SORCS2: variants seen among roughly 807,000 people sequenced by gnomAD.
SORCS2 encodes sortilin related VPS10 domain containing receptor 2.
In SORCS2, 100 loss-of-function variants were observed where a neutral mutation model predicts 141.6. That is an observed-to-expected ratio of 0.71 (90% CI 0.60 to 0.83). The LOEUF (loss-of-function observed/expected upper bound fraction) is 0.83. Ranked by LOEUF, SORCS2 falls within the 40% of genes least tolerant of loss-of-function variation. The pLI is 0.00. For synonymous variants in SORCS2, 789 were observed against 676.9 expected, an observed-to-expected ratio of 1.17 and a Z score of -2.57; for missense variants, 1,646 against 1,560.2, an observed-to-expected ratio of 1.05 and a Z score of -0.93.
intron 8 of SORCS2, among the ~76,000 whole-genome samples, chr4:7,670,399 A>G (rs1000464041): frequency 2.0e-5 from 3 of 152,258 alleles, no homozygotes; most frequent in Non-Finnish European, 4.4e-5. Flanking sequence ...AAATCCAAAT[A>G]ACTATCAATT....
chr4:7,408,225 T>C (rs910268694), intron 2 of SORCS2, among the ~76,000 whole-genome samples: 2 of 152,158 alleles, frequency 1.3e-5, no homozygotes, highest in Admixed American at 1.3e-4. Context: ...GCTAGCGTTT[T>C]AATTTTTTTT....
At chr4:7,228,233 G>A (rs1030877972) in intron 1 of SORCS2, among the ~76,000 whole-genome samples, 1 of 152,214 alleles carries the variant, frequency 6.6e-6, no homozygotes, top group Admixed American at 6.5e-5. Context: ...TCCTCTTCCT[G>A]TGAAGATACC....
intron 2 of SORCS2, among the ~76,000 whole-genome samples, chr4:7,527,189 C>T (rs547839028): frequency 6.6e-6 from 1 of 152,346 alleles, no homozygotes; most frequent in African/African-American, 2.4e-5. Flanking sequence ...CTACACATAC[C>T]TCGGACCCGG....
At chr4:7,332,656 T>C (rs1032440273) in intron 1 of SORCS2, among the ~76,000 whole-genome samples, 9 of 152,234 alleles carry the variant, frequency 5.9e-5, no homozygotes, top group African/African-American at 2.2e-4. Flanking sequence ...CTGGGCCACC[T>C]GTCTAGAGGC....
rs56145590 is a variant in SORCS2, at chr4:7,639,939, G to C, written c.813+1447G>C. Among the ~76,000 whole-genome samples, 21 of 150,824 alleles carry C rather than the reference G, an allele frequency of 1.4e-4. 1 individual carries two copies. The highest frequency in any genetic ancestry group is 4.7e-4 in the African/African-American group (19 of 40,698). On this transcript the variant is annotated intron_variant, in intron 4 of 26. Transcript: ENST00000507866. ...TGTGTGTGTTTGTGAGAATATGTCTGTGTTTGTGAGAATGAGTGTGGGTGT... is the reference window on the plus strand; with the variant it reads ...TGTGTGTGTTTGTGAGAATATGTCTCTGTTTGTGAGAATGAGTGTGGGTGT...
rs375190501 is a variant in SORCS2 at position 7,340,291 on chromosome 4, C to A, written c.481-55997C>A. On this transcript the variant is annotated intron_variant, in intron 1 of 26. Coordinates refer to ENST00000507866, the MANE Select transcript of SORCS2 (RefSeq NM_020777.3). ...CCCCATGTGATGGAGTGTGGCCATG[C>A]CATTGCACACAGTGGGGCAGGGAGA... 5.3e-5 allele frequency among the ~76,000 whole-genome samples: 8 copies of A among 152,360 alleles called. No individual in the cohort carries two copies. The East Asian group carries it at 1.5e-3, about 29-fold the overall frequency.
chr4:7,285,111 C>T (rs1033703360), intron 1 of SORCS2, among the ~76,000 whole-genome samples: 4 of 151,886 alleles, frequency 2.6e-5, no homozygotes, highest in African/African-American at 9.7e-5. Flanking sequence ...TGGTTCACCG[C>T]AACCTCCACC....
At chr4:7,542,898 C>T (rs1182231257) in intron 3 of SORCS2, among the ~76,000 whole-genome samples, 2 of 152,208 alleles carry the variant, frequency 1.3e-5, no homozygotes, top group Admixed American at 6.5e-5. Context: ...CCTCTTCCCT[C>T]TTAGGAGGGA....
chr4:7,254,779 C>T (rs1713735016), intron 1 of SORCS2, among the ~76,000 whole-genome samples: 1 of 152,116 alleles, frequency 6.6e-6, no homozygotes, highest in African/African-American at 2.4e-5. Flanking sequence ...ACCTCGGGTT[C>T]TGCATCAGGA....
intron 1 of SORCS2, among the ~76,000 whole-genome samples, chr4:7,253,664 G>A (rs1713655488): frequency 6.6e-6 from 1 of 152,220 alleles, no homozygotes; most frequent in South Asian, 2.1e-4. Flanking sequence ...GGTGGCATGA[G>A]CCAGGCTGTG....
At chr4:7,366,580 G>C (rs988064577) in intron 1 of SORCS2, among the ~76,000 whole-genome samples, 2 of 148,866 alleles carry the variant, frequency 1.3e-5, no homozygotes, top group African/African-American at 5.0e-5. Context: ...GCTAGTTTCT[G>C]TCTTTGCACT....
intron 1 of SORCS2, among the ~76,000 whole-genome samples, chr4:7,299,281 C>A (rs1176461879): frequency 6.6e-6 from 1 of 152,210 alleles, no homozygotes; most frequent in Non-Finnish European, 1.5e-5. Flanking sequence ...GCGGGCTGTG[C>A]CCTAATGAGA....
Position 7,697,574 on chromosome 4 carries a change from G to A in SORCS2, c.1668+300G>A, listed in dbSNP as rs944773488. Among the ~76,000 whole-genome samples the A allele has an allele frequency of 2.6e-5, 4 of 152,220 alleles. No individual in the cohort carries two copies. In the East Asian group the frequency reaches 5.8e-4, roughly 22 times the overall value. ...TCCACACAGTTGGACGTGTCACTGC[G>A]AACATCTGAGAAACGGGGATAAATG... On this transcript the variant is annotated intron_variant, in intron 12 of 26. Transcript: ENST00000507866.
At position 7,506,243 on chromosome 4, in the gene SORCS2, C is replaced by T. The variant is rs185113936; in HGVS notation, c.549-25287C>T. Among the ~76,000 whole-genome samples the T allele has an allele frequency of 5.8e-3, 887 of 152,084 alleles. 25 individuals carry two copies. Among genetic ancestry groups the T allele is most frequent in the East Asian group, 0.021 (108 of 5,170 alleles). ...CTGAGCGGGCCTCCTCTGCCAGGGG[C>T]GCTGCCATAGTCTGGGCTTAATGAG... On this transcript the variant is annotated intron_variant, in intron 2 of 26. Transcript: ENST00000507866.
intron 3 of SORCS2, among the ~76,000 whole-genome samples, chr4:7,561,670 A>G (rs1003376037): frequency 1.3e-5 from 2 of 151,704 alleles, no homozygotes. Flanking sequence ...TCATCCATCT[A>G]TCCATCCACC....
chr4:7,370,610 G>T (rs1014175191), intron 1 of SORCS2, among the ~76,000 whole-genome samples: 12 of 152,186 alleles, frequency 7.9e-5, no homozygotes, highest in Admixed American at 1.3e-4. Context: ...GAGAAATAAC[G>T]TTGCCCATCA....
intron 3 of SORCS2, among the ~76,000 whole-genome samples, chr4:7,574,040 C>T (rs1427762210): frequency 2.0e-5 from 3 of 152,264 alleles, no homozygotes; most frequent in African/African-American, 7.2e-5. Flanking sequence ...ACCGTCCCCT[C>T]CTCCTCGTTT....
At chr4:7,418,712 C>CAA (rs201189442) in intron 2 of SORCS2, among the ~76,000 whole-genome samples, 4 of 145,770 alleles carry the variant, frequency 2.7e-5, no homozygotes, top group African/African-American at 7.6e-5. Context: ...ACCCCCCCCC[C>CAA]CACCAGATTT....
In SORCS2 at chr4:7,208,104, C is replaced by T. The variant is rs571158048; in HGVS notation, c.480+14978C>T. Among the ~76,000 whole-genome samples, 4 of 152,188 alleles carry T rather than the reference C, an allele frequency of 2.6e-5. No homozygotes were observed. The South Asian group carries it at 8.3e-4, about 32-fold the overall frequency. On this transcript the variant is annotated intron_variant, in intron 1 of 26. Transcript: ENST00000507866. ...AAGGCAAAGAAGATCAGCTGGGGCC[C>T]ACCTTCCTGTCTCAGGAAGGCAAAG...
Sources: gnomAD v4.1 joint callset for allele counts (sites outside exome capture counted in the v4.1 genomes callset) on GRCh38, gnomAD v4.1.1 for gene constraint, MANE v1.5 for transcripts, NCBI Gene and HGNC (gene_info 2026-07-23, HGNC 2026-07-21) for gene names.